PTPRH: variants seen among roughly 807,000 people sequenced by gnomAD.
PTPRH encodes the protein receptor-type tyrosine-protein phosphatase H.
PTPRH carries 113 observed loss-of-function variants against 130.2 expected under a neutral mutation model. The observed-to-expected ratio is 0.87, with a 90% CI of 0.75 to 1.01. The LOEUF (loss-of-function observed/expected upper bound fraction) is 1.01, where lower values mean the gene tolerates loss of function less well. Ranked by LOEUF, PTPRH falls within the 50% of genes least tolerant of loss-of-function variation. The probability of loss-of-function intolerance (pLI) is 0.00; values close to 1 mark genes in which losing one functional copy is unlikely to be tolerated. For synonymous variants in PTPRH, 556 were observed against 577.9 expected, an observed-to-expected ratio of 0.96 and a Z score of 0.54; for missense variants, 1,430 against 1,425.0, an observed-to-expected ratio of 1.00 and a Z score of -0.06.
chr19:55,194,363 C>G, intron 10 of PTPRH: 2 of 1,221,620 alleles, frequency 1.6e-6, no homozygotes, highest in South Asian at 2.8e-5. Flanking sequence ...GAGACTTGGC[C>G]TCACAGAATG....
At chr19:55,182,346 CA>C (rs1215174089) in intron 18 of PTPRH, among the ~76,000 whole-genome samples, 195 bp from the exon 19 acceptor site, 1 of 152,126 alleles carries the variant, frequency 6.6e-6, no homozygotes, top group Non-Finnish European at 1.5e-5. Context: ...GCCAACCTGG[CA>C]AAACCGTCTC....
At chr19:55,199,659 A>C (rs954043625) in intron 7 of PTPRH, among the ~76,000 whole-genome samples, 2 of 150,978 alleles carry the variant, frequency 1.3e-5, no homozygotes, top group African/African-American at 4.9e-5. Context: ...AAGGAAGGAA[A>C]AGAAAGAAAG....
At chr19:55,194,882 T>C (rs748605750) in intron 10 of PTPRH, among the ~76,000 whole-genome samples, 1 of 152,074 alleles carries the variant, frequency 6.6e-6, no homozygotes. Context: ...ACTGGATCAA[T>C]GAATGGATAA....
At chr19:55,185,697 G>C in intron 17 of PTPRH, 35 bp from the exon 18 acceptor site, 1 of 1,607,788 alleles carries the variant, frequency 6.2e-7, no homozygotes. Flanking sequence ...CTCTGGAGAT[G>C]AATGTAGGGA....
chr19:55,187,640 T>C lies in PTPRH; in HGVS notation c.2476-37A>G, dbSNP rs199567014. On this transcript the variant is annotated intron_variant, in intron 13 of 19. Coordinates refer to ENST00000376350, the MANE Select transcript of PTPRH (RefSeq NM_002842.5). Reference sequence around the variant, plus strand: ...GGGAGAGGGGGTACCTGGTGTTGGATTTTCTCTACTTTCCCTCGGGGGTAC... The same window carrying C: ...GGGAGAGGGGGTACCTGGTGTTGGACTTTCTCTACTTTCCCTCGGGGGTAC... 5.3e-3 allele frequency: 7,939 copies of C among 1,493,616 alleles called. 32 individuals are homozygous for C. The highest frequency in any genetic ancestry group is 6.7e-3 in the Non-Finnish European group (7,179 of 1,071,928). 92.5% of individuals were successfully genotyped at this position (1,493,616 alleles called of 1,614,324 possible). A position where few individuals can be genotyped will look rare whatever the true frequency, so the allele number is the denominator to read the frequency against.
chr19:55,199,813 GAA>G (rs1215161493), intron 7 of PTPRH, among the ~76,000 whole-genome samples: 2 of 145,132 alleles, frequency 1.4e-5, no homozygotes, highest in African/African-American at 2.7e-5. Flanking sequence ...AAGAAGGAAA[GAA>G]AGAGAAAGAG....
At chr19:55,186,029 G>T in intron 16 of PTPRH, 45 bp from the exon 17 acceptor site, 1 of 1,613,096 alleles carries the variant, frequency 6.2e-7, no homozygotes, top group South Asian at 1.1e-5. Flanking sequence ...CTCTTACCCA[G>T]GTCTGTGGGG....
In PTPRH at chr19:55,191,450, C is replaced by G. The variant is rs747698536; in HGVS notation, c.2384+51G>C. 7.5e-6 allele frequency: 12 copies of G among 1,601,954 alleles called. No individual in the cohort carries two copies. In the South Asian group the frequency reaches 8.8e-5, roughly 12 times the overall value. ...ACCTAGCTGGCAGCCAGCAAACACC[C>G]CTTGATTTGACCAGATTCTTTCCAA... On this transcript the variant is annotated intron_variant, in intron 12 of 19. Transcript: ENST00000376350.
At chr19:55,191,379 G>A in intron 12 of PTPRH, 122 bp downstream of exon 12, 2 of 1,157,670 alleles carry the variant, frequency 1.7e-6, no homozygotes, top group Admixed American at 3.6e-5. Context: ...AGAGGCATGG[G>A]CCCCTTCTGA....
chr19:55,190,723 G>C (rs969113281), intron 12 of PTPRH, among the ~76,000 whole-genome samples: 1 of 149,112 alleles, frequency 6.7e-6, no homozygotes, highest in Non-Finnish European at 1.5e-5. Flanking sequence ...CTCTGCTCCC[G>C]GGTTCAAGTG....
Position 55,197,192 on chromosome 19 carries a change from T to C in PTPRH, c.1915A>G (p.Thr639Ala). 2 of 1,614,238 alleles carry C rather than the reference T, an allele frequency of 1.2e-6. No individual in the cohort carries two copies. The highest frequency in any genetic ancestry group is 1.7e-6 in the Non-Finnish European group (2 of 1,180,042). The change falls in exon 9 of 20, where the codon ACG becomes GCG. Residue 639 changes from threonine (T) to alanine (A), a missense_variant. Thr to Ala is a moderately conservative substitution (Grantham distance 58). Transcript: ENST00000376350. Reference protein sequence around the residue: ...WYKVEALEPGTLYNFTVWAER... With the variant: ...WYKVEALEPGALYNFTVWAER... ...GCCCACACGGTGAAATTGTACAACG[T>C]CCCGGGTTCCAGGGCCTCCACTTTG...
At chr19:55,188,573 C>T (rs372502831) in intron 12 of PTPRH, among the ~76,000 whole-genome samples, 6 of 152,176 alleles carry the variant, frequency 3.9e-5, no homozygotes, top group Admixed American at 2.6e-4. Context: ...GACAGCCCTA[C>T]ACTTACACTT....
chr19:55,194,206 C>A (rs1471062926), intron 10 of PTPRH: 1 of 1,289,680 alleles, frequency 7.8e-7, no homozygotes. Flanking sequence ...CTCCCAAGAT[C>A]TGTCATTAGA....
rs1214236070 is a variant in PTPRH at position 55,181,330 on chromosome 19, C to T, written c.*424G>A. 5.9e-6 allele frequency: 1 copy of T among 169,086 alleles called. No homozygotes were observed. The highest frequency in any genetic ancestry group is 2.4e-5 in the African/African-American group (1 of 41,876). 10.5% of individuals were successfully genotyped at this position (169,086 alleles called of 1,614,324 possible). A position where few individuals can be genotyped will look rare whatever the true frequency, so the allele number is the denominator to read the frequency against. On this transcript the variant is annotated 3_prime_UTR_variant, in exon 20 of 20. Transcript: ENST00000376350. The stretch of plus-strand genomic sequence containing the variant: ...GTGGGGTGCAGAGAGACCTTGGGCA[C>T]AGGGACTCCCTCCGACCCCAGATTA...
At chr19:55,190,506 T>A (rs1037059915) in intron 12 of PTPRH, among the ~76,000 whole-genome samples, 15 of 122,220 alleles carry the variant, frequency 1.2e-4, no homozygotes, top group Non-Finnish European at 1.6e-4. Flanking sequence ...TATATTATAT[T>A]ATATATAATG....
rs1391817339 is a variant in PTPRH at position 55,196,666 on chromosome 19, C to T, written c.2113G>A (p.Gly705Ser). The T allele has an allele frequency of 9.3e-6, 15 of 1,613,880 alleles. No individual in the cohort carries two copies. Among genetic ancestry groups the T allele is most frequent in the African/African-American group, 1.3e-5 (1 of 74,854 alleles). The change falls in exon 10 of 20, where the codon GGC becomes AGC. Residue 705 changes from glycine (G) to serine (S), a missense_variant. Physicochemically the swap from Gly to Ser is moderately conservative, Grantham distance 56. Coordinates refer to ENST00000376350, the MANE Select transcript of PTPRH (RefSeq NM_002842.5). ...AFELEVGGQR[G>S]SQDRSSCGEA... ...CCACATGAAGATCTGTCCTGGGAGC[C>T]CCGCTGTCCTCCCACCTCCAACTCA...
intron 12 of PTPRH, among the ~76,000 whole-genome samples, chr19:55,189,115 A>G (rs1048277709): frequency 6.6e-6 from 1 of 152,042 alleles, no homozygotes; most frequent in African/African-American, 2.4e-5. Flanking sequence ...CCTCCTGCGT[A>G]GCTGGGATTA....
At chr19:55,195,603 C>T (rs751748530) in intron 10 of PTPRH, among the ~76,000 whole-genome samples, 3 of 152,140 alleles carry the variant, frequency 2.0e-5, no homozygotes, top group East Asian at 1.9e-4. Context: ...AACAGGGTCT[C>T]GTTCCTTCAC....
At chr19:55,188,038 CG>C (rs529061339) in intron 13 of PTPRH, 39 bp downstream of exon 13, 6 of 1,551,604 alleles carry the variant, frequency 3.9e-6, no homozygotes, top group Non-Finnish European at 5.3e-6. Context: ...TCTGGGCCAC[CG>C]GAGGGAGACT....
Sources: allele counts gnomAD v4.1 joint callset (sites outside exome capture counted in the v4.1 genomes callset), GRCh38; gene constraint gnomAD v4.1.1; transcripts MANE v1.5; gene names NCBI Gene and HGNC (gene_info 2026-07-23, HGNC 2026-07-21).